GOLGB1: variants seen among roughly 807,000 people sequenced by gnomAD.
GOLGB1 encodes golgin subfamily B member 1.
In GOLGB1, 174 loss-of-function variants were observed where a neutral mutation model predicts 336.9. The observed-to-expected ratio is 0.52, with a 90% CI of 0.46 to 0.59. The LOEUF is 0.59. Ranked by LOEUF, GOLGB1 falls within the 20% of genes least tolerant of loss-of-function variation. The pLI is 0.00. For missense variants in GOLGB1, 3,331 were observed against 3,645.3 expected (o/e 0.91, Z 2.22); for synonymous variants, 1,208 against 1,289.2 (o/e 0.94, Z 1.35).
At chr3:121,687,869 G>A (rs960731640) in intron 14 of GOLGB1, among the ~76,000 whole-genome samples, 2 of 152,140 alleles carry the variant, frequency 1.3e-5, no homozygotes, top group Non-Finnish European at 2.9e-5. Flanking sequence ...AGAACCTTTT[G>A]CATTTACGGT....
At chr3:121,679,677 G>A (rs1005146841) in intron 15 of GOLGB1, among the ~76,000 whole-genome samples, 1 of 152,302 alleles carries the variant, frequency 6.6e-6, no homozygotes, top group East Asian at 1.9e-4. Flanking sequence ...ATTCTTGGCT[G>A]GTGGTAACAA....
chr3:121,692,181 C>T lies in GOLGB1; in HGVS notation c.7183G>A (p.Gly2395Ser). The change falls in exon 14 of 22, where the codon GGC (glycine) becomes AGC (serine). Residue 2395 changes from glycine to serine, a missense_variant. Physicochemically the swap from Gly to Ser is moderately conservative, Grantham distance 56. Coordinates refer to ENST00000614479, the MANE Select transcript of GOLGB1 (RefSeq NM_001366282.2). ...KEQKIISLLS[G>S]KEEAIQVAIA... is the part of the protein sequence containing the mutation. ...GCTACTTGGATTGCCTCTTCCTTGC[C>T]AGAAAGCAGGCTTATAATCTTTTGC... 2 of 1,603,980 alleles carry T rather than the reference C, an allele frequency of 1.2e-6. No individual in the cohort carries two copies. The highest frequency in any genetic ancestry group is 1.7e-6 in the Non-Finnish European group (2 of 1,177,344).
chr3:121,694,782 G>T lies in GOLGB1; in HGVS notation c.5741C>A (p.Thr1914Asn). 6.2e-7 allele frequency: 1 copy of T among 1,612,704 alleles called. No individual in the cohort carries two copies. The highest frequency in any genetic ancestry group is 8.5e-7 in the Non-Finnish European group (1 of 1,179,566). The part of the protein sequence containing the change: ...QQIQEELSRV[T>N]KLKETAEEEK... The stretch of plus-strand genomic sequence containing the variant: ...TTCTTCTGCTGTCTCCTTTAGTTTG[G>T]TAACTCTGGAGAGTTCTTCTTGGAT... The change falls in exon 13 of 22, where the codon ACC becomes AAC. Residue 1914 changes from threonine (T) to asparagine (N), a missense_variant. Transcript: ENST00000614479.
At chr3:121,702,841 C>G (rs1046776430) in intron 10 of GOLGB1, among the ~76,000 whole-genome samples, 1 of 152,074 alleles carries the variant, frequency 6.6e-6, no homozygotes. Context: ...AAGATTGAAG[C>G]CTGGATTACA....
intron 1 of GOLGB1, among the ~76,000 whole-genome samples, chr3:121,741,389 A>G (rs1301153233): frequency 1.3e-5 from 2 of 152,190 alleles, no homozygotes; most frequent in African/African-American, 4.8e-5. Flanking sequence ...ATGAAAAAAA[A>G]TCGGGAAGAA....
Position 121,696,922 on chromosome 3 carries a change from C to G in GOLGB1, c.3601G>C (p.Glu1201Gln), listed in dbSNP as rs1942998488. 1.2e-6 allele frequency: 2 copies of G among 1,614,046 alleles called. No individual in the cohort carries two copies. The highest frequency in any genetic ancestry group is 4.5e-5 in the East Asian group (2 of 44,886). Reference sequence around the variant, plus strand: ...TCCTCCCTGAGATGTCTTTCTTTCTCCTGTGCCTTTTTAAGAATTGCCTTG... The same window carrying G: ...TCCTCCCTGAGATGTCTTTCTTTCTGCTGTGCCTTTTTAAGAATTGCCTTG... The part of the protein sequence containing the change: ...SRKAILKKAQ[E>Q]KERHLREELK... The change falls in exon 13 of 22, where the codon GAG (glutamate) becomes CAG (glutamine). Residue 1201 changes from glutamate (E) to glutamine (Q), a missense_variant. By Grantham distance (29) the Glu-to-Gln change is conservative. Transcript: ENST00000614479.
chr3:121,682,785 G>C (rs982150131), intron 14 of GOLGB1, among the ~76,000 whole-genome samples: 5 of 152,102 alleles, frequency 3.3e-5, no homozygotes, highest in Non-Finnish European at 5.9e-5. Context: ...AAAAACAATA[G>C]AGGAATCAGC....
At position 121,694,438 on chromosome 3, in the gene GOLGB1, G is replaced by C. The variant is rs751684275; in HGVS notation, c.6085C>G (p.Leu2029Val). 6.2e-7 allele frequency: 1 copy of C among 1,613,220 alleles called. No individual in the cohort carries two copies. The highest frequency in any genetic ancestry group is 1.1e-5 in the South Asian group (1 of 90,998). Residue 2029 changes from leucine (L) to valine (V), a missense_variant, in exon 13 of 22, where the codon CTA becomes GTA. Physicochemically the swap from Leu to Val is conservative, Grantham distance 32. Transcript: ENST00000614479. ...TGATACCTGATGCAGTCCTTCTGTA[G>C]CTGCTTTACTTCTTGTTGTTTTTCT... is the stretch of plus-strand genomic sequence containing the variant. ...LKEKQQEVKQLQKDCIRYQEK... is the reference protein window; with the variant it reads ...LKEKQQEVKQVQKDCIRYQEK...
intron 7 of GOLGB1, among the ~76,000 whole-genome samples, 182 bp downstream of exon 7, chr3:121,719,464 G>A (rs561686847): frequency 6.6e-6 from 1 of 152,112 alleles, no homozygotes; most frequent in East Asian, 1.9e-4. Flanking sequence ...AGGGGTAAAA[G>A]GCAAGAAAAG....
At chr3:121,681,621 C>A in intron 15 of GOLGB1, 66 bp downstream of exon 15, 1 of 1,165,482 alleles carries the variant, frequency 8.6e-7, no homozygotes, top group Non-Finnish European at 1.2e-6. Context: ...TTTCCCAAAT[C>A]TACAATTATT....
chr3:121,686,147 C>G (rs758869876), intron 14 of GOLGB1, among the ~76,000 whole-genome samples: 2 of 152,220 alleles, frequency 1.3e-5, no homozygotes, highest in Admixed American at 6.5e-5. Flanking sequence ...CACAACTGCA[C>G]AGTGTTCTCT....
At chr3:121,689,522 G>A (rs1348619223) in intron 14 of GOLGB1, among the ~76,000 whole-genome samples, 11 of 150,196 alleles carry the variant, frequency 7.3e-5, no homozygotes, top group East Asian at 1.9e-4. Context: ...GCGGAAGGCC[G>A]CAGGGTCCTC....
At chr3:121,731,932 T>C (rs1310526603) in intron 1 of GOLGB1, among the ~76,000 whole-genome samples, 2 of 151,938 alleles carry the variant, frequency 1.3e-5, no homozygotes, top group East Asian at 3.8e-4. Context: ...CTAGTCAAGA[T>C]GACCAAGAAA....
In GOLGB1 at chr3:121,682,377, G is replaced by A. The variant is rs575601594; in HGVS notation, c.8695-512C>T. 1.2e-4 allele frequency among the ~76,000 whole-genome samples: 19 copies of A among 152,262 alleles called. No homozygotes were observed. In the East Asian group the frequency reaches 1.9e-3, roughly 15 times the overall value. On this transcript the variant is annotated intron_variant, in intron 14 of 21. Coordinates refer to ENST00000614479, the MANE Select transcript of GOLGB1 (RefSeq NM_001366282.2). ...TTAGATATCCTACTACTTCTTGGAC[G>A]TGTGACCCAATGCATGTTCCTCATA...
chr3:121,714,402 C>T (rs1944598133), intron 10 of GOLGB1, among the ~76,000 whole-genome samples: 1 of 152,002 alleles, frequency 6.6e-6, no homozygotes, highest in Non-Finnish European at 1.5e-5. Flanking sequence ...TAAGAAGCTA[C>T]TTGGCCATTA....
chr3:121,749,102 T>C (rs1947578487), intron 1 of GOLGB1: 1 of 156,430 alleles, frequency 6.4e-6, no homozygotes, highest in African/African-American at 2.4e-5. Context: ...AGCAGGATTA[T>C]TGGACAGGCC....
chr3:121,700,244 T>C (rs888216226), intron 11 of GOLGB1, among the ~76,000 whole-genome samples: 8 of 152,126 alleles, frequency 5.3e-5, no homozygotes, highest in Non-Finnish European at 1.0e-4. Context: ...TTGTAATATA[T>C]ATTTTGCATT....
chr3:121,747,116 C>T (rs1244166561), intron 1 of GOLGB1, among the ~76,000 whole-genome samples: 1 of 133,900 alleles, frequency 7.5e-6, no homozygotes, highest in Non-Finnish European at 1.6e-5. Context: ...CAGACAGGTT[C>T]ACACAAGGGC....
rs2107527567 is a variant in GOLGB1 at position 121,666,716 on chromosome 3, A to G, written c.9554+760T>C. 2.6e-5 allele frequency among the ~76,000 whole-genome samples: 4 copies of G among 152,342 alleles called. No individual in the cohort carries two copies. The South Asian group carries it at 8.3e-4, about 32-fold the overall frequency. ...TTCTCTGAGGAAAGTGATCATATAC[A>G]TAGGTGGCTTTCTCCCAAAATATAA... On this transcript the variant is annotated intron_variant, in intron 20 of 21. Coordinates refer to ENST00000614479, the MANE Select transcript of GOLGB1 (RefSeq NM_001366282.2).
Sources: allele counts gnomAD v4.1 joint callset (sites outside exome capture counted in the v4.1 genomes callset), GRCh38; gene constraint gnomAD v4.1.1; transcripts MANE v1.5; gene names NCBI Gene and HGNC (gene_info 2026-07-23, HGNC 2026-07-21).